Variants in NIPBL observed in about 807,000 individuals in gnomAD.
The protein encoded by NIPBL is nipped-B-like protein.
Under a neutral mutation model 321.8 loss-of-function variants are expected in NIPBL, and 19 were observed. The ratio of observed to expected loss-of-function variants is 0.06; its 90% CI spans 0.04 to 0.09. The LOEUF (loss-of-function observed/expected upper bound fraction) is 0.09, where lower values mean the gene tolerates loss of function less well. NIPBL is among the 10% of genes least tolerant of loss of function. NIPBL has a pLI of 1.00. For missense variants in NIPBL, 2,210 were observed against 3,327.0 expected, an observed-to-expected ratio of 0.66 and a Z score of 8.26; for synonymous variants, 1,106 against 1,114.1, an observed-to-expected ratio of 0.99 and a Z score of 0.14.
chr5:36,949,612 T>C (rs1015721924), intron 1 of NIPBL, among the ~76,000 whole-genome samples: 1 of 151,970 alleles, frequency 6.6e-6, no homozygotes, highest in African/African-American at 2.4e-5. Context: ...ATGTGTATGT[T>C]AACATGTATA....
chr5:36,907,500 G>T (rs1747727689), intron 1 of NIPBL, among the ~76,000 whole-genome samples: 1 of 152,032 alleles, frequency 6.6e-6, no homozygotes, highest in Non-Finnish European at 1.5e-5. Flanking sequence ...GTTCTAAAAG[G>T]AACTAAAGTT....
chr5:37,057,667 A>G (rs1417639293), intron 43 of NIPBL, among the ~76,000 whole-genome samples: 2 of 152,224 alleles, frequency 1.3e-5, no homozygotes, highest in Non-Finnish European at 2.9e-5. Context: ...AAATCTTGTA[A>G]TGCTGTAATC....
Position 36,962,283 on chromosome 5 carries a change from GTTGT to G in NIPBL, c.610+14_610+17del, listed in dbSNP as rs778155642. The G allele has an allele frequency of 2.5e-6, 4 of 1,613,852 alleles. No individual in the cohort carries two copies. The highest frequency in any genetic ancestry group is 3.4e-6 in the Non-Finnish European group (4 of 1,179,904). On this transcript the variant is annotated intron_variant, in intron 6 of 46. Transcript: ENST00000282516. ...TCCACAGATGCAACAAGGTAAGAAA[GTTGT>G]TTGTAACTTCACTGGGAATGTCTAA...
At chr5:37,035,896 C>CTAGCATTGTTTGTGCTAGCATTGTTTGTG (rs1751629729) in intron 32 of NIPBL, among the ~76,000 whole-genome samples, 1 of 152,208 alleles carries the variant, frequency 6.6e-6, no homozygotes, top group East Asian at 1.9e-4. Context: ...TTATTCATAA[C>CTAGCATTGTTTGTGCTAGCATTGTTTGTG]ACTTTTCTAG....
chr5:36,884,822 G>A (rs1003395404), intron 1 of NIPBL, among the ~76,000 whole-genome samples: 7 of 152,002 alleles, frequency 4.6e-5, no homozygotes, highest in African/African-American at 1.7e-4. Context: ...TGTCCTTGAG[G>A]GCTTCTTGCT....
At chr5:36,927,016 A>T (rs1749416180) in intron 1 of NIPBL, among the ~76,000 whole-genome samples, 1 of 152,102 alleles carries the variant, frequency 6.6e-6, no homozygotes. Flanking sequence ...TTGAAAGGAG[A>T]AGTTGGTTTT....
chr5:36,910,542 A>G (rs886700430), intron 1 of NIPBL, among the ~76,000 whole-genome samples: 1 of 151,972 alleles, frequency 6.6e-6, no homozygotes, highest in African/African-American at 2.4e-5. Flanking sequence ...ATCCTAGTTC[A>G]CTTCATACCT....
At chr5:36,918,486 TTCC>T (rs1340860652) in intron 1 of NIPBL, among the ~76,000 whole-genome samples, 1 of 152,142 alleles carries the variant, frequency 6.6e-6, no homozygotes, top group Non-Finnish European at 1.5e-5. Context: ...ACAATTTGAC[TTCC>T]TCTTTTCCTA....
At chr5:36,967,836 A>G (rs1051899920) in intron 6 of NIPBL, among the ~76,000 whole-genome samples, 12 of 152,074 alleles carry the variant, frequency 7.9e-5, no homozygotes, top group Admixed American at 6.6e-4. Context: ...ATGATTGCTC[A>G]CTCTTGTAAT....
chr5:36,952,835 G>T (rs140380581), intron 1 of NIPBL, among the ~76,000 whole-genome samples: 1 of 152,136 alleles, frequency 6.6e-6, no homozygotes, highest in Non-Finnish European at 1.5e-5. Flanking sequence ...TTAAGTAATC[G>T]TGCAAGATTG....
chr5:37,055,925 A>G (rs1754040662), intron 42 of NIPBL, among the ~76,000 whole-genome samples: 1 of 151,914 alleles, frequency 6.6e-6, no homozygotes, highest in African/African-American at 2.4e-5. Flanking sequence ...AGACCAAGGC[A>G]AAGGGATTGC....
At chr5:37,010,739 C>A (rs919778994) in intron 21 of NIPBL, among the ~76,000 whole-genome samples, 5 of 152,142 alleles carry the variant, frequency 3.3e-5, no homozygotes, top group Admixed American at 6.5e-5. Context: ...TCATTTTAAT[C>A]TTTCTGAGTT....
In NIPBL at chr5:37,010,114, A is replaced by G. The variant is rs759492239; in HGVS notation, c.4449A>G (p.Glu1483=). 8.0e-5 allele frequency: 129 copies of G among 1,612,282 alleles called. No individual in the cohort carries two copies. The highest frequency in any genetic ancestry group is 1.0e-4 in the Non-Finnish European group (119 of 1,178,590). The change falls in exon 21 of 47, where the codon GAA becomes GAG. Residue 1483 remains glutamate, a synonymous_variant. Transcript: ENST00000282516. ...TAAACAGTAGTGATATGGATGGAGA[A>G]CCTATGTATATTCAGATGGTTACAG... The part of the protein sequence containing the change: ...FRLNSSDMDG[E]PMYIQMVTAL...
In NIPBL at chr5:36,986,268, C is replaced by T. The variant is rs1421411260; in HGVS notation, c.3088C>T (p.Pro1030Ser). The change falls in exon 10 of 47, where the codon CCT becomes TCT. Residue 1030 changes from proline (P) to serine (S), a missense_variant. This residue lies in a region of NIPBL where 381 missense variants were observed against 642.3 expected (regional missense o/e 0.59). Transcript: ENST00000282516. ...REDKSRSSLKPIKNKPSKSNK... is the reference protein window; with the variant it reads ...REDKSRSSLKSIKNKPSKSNK... Reference sequence around the variant, plus strand: ...GGACAAATCAAGAAGTTCCCTTAAACCTATCAAGAATAAACCATCAAAGTC... The same window carrying T: ...GGACAAATCAAGAAGTTCCCTTAAATCTATCAAGAATAAACCATCAAAGTC... The T allele has an allele frequency of 6.5e-7, 1 of 1,537,964 alleles. No individual in the cohort carries two copies. The highest frequency in any genetic ancestry group is 8.7e-7 in the Non-Finnish European group (1 of 1,151,512).
chr5:36,963,469 C>T (rs1342157557), intron 6 of NIPBL, among the ~76,000 whole-genome samples: 2 of 151,998 alleles, frequency 1.3e-5, no homozygotes, highest in East Asian at 1.9e-4. Flanking sequence ...TTTTTACACA[C>T]GAACTCAAGG....
chr5:36,940,352 A>T (rs1176136105), intron 1 of NIPBL, among the ~76,000 whole-genome samples: 2 of 152,188 alleles, frequency 1.3e-5, no homozygotes, highest in African/African-American at 4.8e-5. Context: ...AATAAATCAA[A>T]TTGAGAGCCC....
At chr5:36,990,641 G>A (rs1374729620) in intron 10 of NIPBL, among the ~76,000 whole-genome samples, 1 of 152,132 alleles carries the variant, frequency 6.6e-6, no homozygotes, top group Non-Finnish European at 1.5e-5. Flanking sequence ...GGCATAATCT[G>A]TATCTAGCTC....
At chr5:37,021,303 C>CA (rs1172343940) in intron 27 of NIPBL, among the ~76,000 whole-genome samples, 4 of 149,416 alleles carry the variant, frequency 2.7e-5, no homozygotes, top group African/African-American at 2.5e-5. Context: ...CCATCTCAAA[C>CA]AAAAAAAGAA....
Position 36,970,942 on chromosome 5 carries a change from C to T in NIPBL, c.677C>T (p.Pro226Leu), listed in dbSNP as rs562557528. 7.8e-5 allele frequency: 126 copies of T among 1,613,530 alleles called. 1 individual carries two copies. The South Asian group carries it at 1.2e-3, about 16-fold the overall frequency. ...RNIHDNKVSGPLSGNSANHHA... is the reference protein window; with the variant it reads ...RNIHDNKVSGLLSGNSANHHA... ...ATACATGATAATAAAGTTTCTGGTC[C>T]GTTGTCTGGCAATTCAGCTAATCAT... is the stretch of plus-strand genomic sequence containing the variant. Residue 226 changes from proline (P) to leucine (L), a missense_variant, in exon 7 of 47, where the codon CCG (proline) becomes CTG (leucine). Physicochemically the swap from Pro to Leu is moderately conservative, Grantham distance 98. Transcript: ENST00000282516.
Sources: allele counts gnomAD v4.1 joint callset (sites outside exome capture counted in the v4.1 genomes callset), GRCh38; gene constraint gnomAD v4.1.1; regional missense constraint gnomAD v4.1.1; transcripts MANE v1.5; gene names NCBI Gene and HGNC (gene_info 2026-07-23, HGNC 2026-07-21).